The following RUNX1 variants were observed in gnomAD, a reference collection of about 807,000 sequenced individuals.
The protein encoded by RUNX1 is RUNX family transcription factor 1.
Under a neutral mutation model 42.8 loss-of-function variants are expected in RUNX1, and 19 were observed. That is an observed-to-expected ratio of 0.44 (90% CI 0.31 to 0.65). The LOEUF (loss-of-function observed/expected upper bound fraction) is 0.65. RUNX1 is among the 30% of genes least tolerant of loss of function. The pLI, the probability that RUNX1 is intolerant of heterozygous loss-of-function variation, is 0.07. For synonymous variants in RUNX1, 271 were observed against 289.4 expected (o/e 0.94, Z 0.64); for missense variants, 528 against 672.0 (o/e 0.79, Z 2.37).
intron 2 of RUNX1, among the ~76,000 whole-genome samples, chr21:34,976,612 C>T (rs934329746): frequency 2.0e-5 from 3 of 152,098 alleles, no homozygotes; most frequent in South Asian, 4.1e-4. Context: ...GTGAAGTCTG[C>T]GTCACAGAAG....
intron 2 of RUNX1, among the ~76,000 whole-genome samples, chr21:34,897,952 C>T (rs1417103089): frequency 6.6e-6 from 1 of 152,016 alleles, no homozygotes; most frequent in Non-Finnish European, 1.5e-5. Flanking sequence ...TCCTGGTAGC[C>T]CTAATCTAAT....
intron 2 of RUNX1, among the ~76,000 whole-genome samples, chr21:34,968,490 G>C (rs1416560226): frequency 6.6e-6 from 1 of 152,140 alleles, no homozygotes; most frequent in Non-Finnish European, 1.5e-5. Flanking sequence ...ATCCTCATGA[G>C]GCAAACACCT....
intron 7 of RUNX1, among the ~76,000 whole-genome samples, chr21:34,803,270 G>A (rs754644623): frequency 2.8e-4 from 42 of 152,076 alleles, no homozygotes; most frequent in Non-Finnish European, 4.6e-4. Flanking sequence ...ATTCAGGGCC[G>A]GGCGCAGTGG....
At chr21:34,899,162 C>A (rs1215546465) in intron 2 of RUNX1, among the ~76,000 whole-genome samples, 2 of 152,190 alleles carry the variant, frequency 1.3e-5, no homozygotes, top group Non-Finnish European at 2.9e-5. Context: ...GATCTGCCCA[C>A]CTCGGCCTCA....
chr21:35,038,964 G>A (rs1209381890), intron 2 of RUNX1: 4 of 343,654 alleles, frequency 1.2e-5, no homozygotes, highest in Non-Finnish European at 2.3e-5. Context: ...GCAGGCACAT[G>A]GTGGGTGCTT....
intron 2 of RUNX1, among the ~76,000 whole-genome samples, chr21:34,990,399 G>A (rs557518438): frequency 5.3e-5 from 8 of 152,292 alleles, no homozygotes; most frequent in Non-Finnish European, 1.0e-4. Flanking sequence ...AGAGCTGCAC[G>A]TGTGCCGCTG....
chr21:34,887,575 G>A, intron 3 of RUNX1: 3 of 1,122,188 alleles, frequency 2.7e-6, no homozygotes, highest in Non-Finnish European at 3.3e-6. Flanking sequence ...TTTGTCTAAA[G>A]TCCCAACAGA....
chr21:34,997,337 T>TAA (rs201696426), intron 2 of RUNX1, among the ~76,000 whole-genome samples: 1 of 150,982 alleles, frequency 6.6e-6, no homozygotes, highest in South Asian at 2.1e-4. Flanking sequence ...AAATTCACAA[T>TAA]AAAAAAAAAT....
intron 7 of RUNX1, among the ~76,000 whole-genome samples, chr21:34,827,430 G>A (rs1441168043): frequency 2.6e-5 from 4 of 152,214 alleles, no homozygotes; most frequent in Admixed American, 2.6e-4. Flanking sequence ...AAGTGTATTT[G>A]GAAGAGAGTA....
chr21:35,036,512 AG>A (rs1178395126), intron 2 of RUNX1, among the ~76,000 whole-genome samples: 1 of 152,184 alleles, frequency 6.6e-6, no homozygotes, highest in Non-Finnish European at 1.5e-5. Flanking sequence ...GTGACTCTGA[AG>A]TAGTCTGTTG....
At chr21:35,049,016 T>C (rs954296934) in intron 1 of RUNX1, 58 bp from the exon 2 acceptor site, 16 of 846,512 alleles carry the variant, frequency 1.9e-5, no homozygotes, top group Non-Finnish European at 2.9e-5. Context: ...TAGCCCTACA[T>C]CTCTCTTTCT....
At chr21:34,893,209 C>A (rs1182617902) in intron 2 of RUNX1, among the ~76,000 whole-genome samples, 2 of 152,116 alleles carry the variant, frequency 1.3e-5, no homozygotes, top group Non-Finnish European at 2.9e-5. Flanking sequence ...GAATATCTGT[C>A]ATAGAATCAC....
intron 6 of RUNX1, among the ~76,000 whole-genome samples, chr21:34,852,179 C>G (rs1270202061): frequency 6.6e-6 from 1 of 151,790 alleles, no homozygotes; most frequent in African/African-American, 2.4e-5. Flanking sequence ...AAAAACAAAA[C>G]AAAACAAAAC....
Position 34,899,496 on chromosome 21 carries a change from G to A in RUNX1, c.59-6533C>T, listed in dbSNP as rs28756028. Among the ~76,000 whole-genome samples, 335 of 152,212 alleles carry A rather than the reference G, an allele frequency of 2.2e-3. 1 individual carries two copies. The highest frequency in any genetic ancestry group is 7.7e-3 in the African/African-American group (318 of 41,514). On this transcript the variant is annotated intron_variant, in intron 2 of 8. Coordinates refer to ENST00000675419, the MANE Select transcript of RUNX1 (RefSeq NM_001754.5). The stretch of plus-strand genomic sequence containing the variant: ...CTCAGACTTCCCAACCTCCAGAGCT[G>A]TGAGGAAATACATGTCTGCTGTTTA...
chr21:35,006,791 A>AGCCTG (rs1029042289), intron 2 of RUNX1, among the ~76,000 whole-genome samples: 1 of 152,184 alleles, frequency 6.6e-6, no homozygotes. Context: ...GTGAAGGCTG[A>AGCCTG]GCCTGAATCA....
intron 2 of RUNX1, among the ~76,000 whole-genome samples, chr21:34,947,743 T>C (rs2834689): frequency 0.15 from 22,990 of 152,134 alleles, 3,379 homozygotes; most frequent in African/African-American, 0.38. Context: ...CCCTCAGAGG[T>C]CCGCCACAGT....
At chr21:34,855,889 G>A (rs962900693) in intron 6 of RUNX1, among the ~76,000 whole-genome samples, 2 of 152,176 alleles carry the variant, frequency 1.3e-5, no homozygotes, top group Non-Finnish European at 2.9e-5. Context: ...ATTCCAGGCA[G>A]AGGATACCTT....
intron 2 of RUNX1, among the ~76,000 whole-genome samples, chr21:35,010,817 T>C (rs1254553098): frequency 6.6e-6 from 1 of 152,210 alleles, no homozygotes; most frequent in African/African-American, 2.4e-5. Flanking sequence ...AAAACTGTTT[T>C]TGGAGTTATT....
chr21:35,031,340 C>T lies in RUNX1; in HGVS notation c.58+17502G>A, dbSNP rs183903280. ...TCCAGCCTGGGCAACAAGAACGAAA[C>T]TCCGTCTCAAAAAAATAGAAAAATC... On this transcript the variant is annotated intron_variant, in intron 2 of 8. Coordinates refer to ENST00000675419, the MANE Select transcript of RUNX1 (RefSeq NM_001754.5). 8.4e-4 allele frequency among the ~76,000 whole-genome samples: 128 copies of T among 152,198 alleles called. 1 individual carries two copies. Among genetic ancestry groups the T allele is most frequent in the East Asian group, 7.5e-3 (39 of 5,176 alleles).
Sources: gnomAD v4.1 joint callset for allele counts (sites outside exome capture counted in the v4.1 genomes callset) on GRCh38, gnomAD v4.1.1 for gene constraint, MANE v1.5 for transcripts, NCBI Gene and HGNC (gene_info 2026-07-23, HGNC 2026-07-21) for gene names.